KIAA1217: variants seen among roughly 807,000 people sequenced by gnomAD.
The protein encoded by KIAA1217 is sickle tail protein homolog.
A neutral mutation model predicts 163.9 loss-of-function variants in KIAA1217; 88 were observed. The ratio of observed to expected loss-of-function variants is 0.54; its 90% CI spans 0.45 to 0.64. KIAA1217 has a LOEUF of 0.64. Ranked by LOEUF, KIAA1217 falls within the 30% of genes least tolerant of loss-of-function variation. The pLI, the probability that KIAA1217 is intolerant of heterozygous loss-of-function variation, is 0.00. For synonymous variants in KIAA1217, 903 were observed against 923.1 expected, an observed-to-expected ratio of 0.98 and a Z score of 0.39; for missense variants, 2,372 against 2,475.0, an observed-to-expected ratio of 0.96 and a Z score of 0.88.
intron 2 of KIAA1217, among the ~76,000 whole-genome samples, chr10:24,070,423 A>G (rs999650018): frequency 2.0e-5 from 3 of 152,232 alleles, no homozygotes; most frequent in Non-Finnish European, 4.4e-5. Context: ...ATTTAATTTT[A>G]TGTCTATACG....
At chr10:24,533,017 TGCTAGCACCTAGG>T in intron 15 of KIAA1217, 40 bp from the exon 16 acceptor site, 1 of 1,527,254 alleles carries the variant, frequency 6.5e-7, no homozygotes, top group Admixed American at 1.9e-5. Flanking sequence ...GTCCCTTTTT[TGCTAGCACCTAGG>T]AGATGTTAAA....
intron 1 of KIAA1217, among the ~76,000 whole-genome samples, chr10:23,809,652 GA>G (rs1369587405): frequency 6.6e-6 from 1 of 151,842 alleles, no homozygotes; most frequent in African/African-American, 2.4e-5. Context: ...AAATTAGTAA[GA>G]ATTTAACAGT....
chr10:24,100,319 T>C (rs78585613), intron 2 of KIAA1217, among the ~76,000 whole-genome samples: 5 of 152,296 alleles, frequency 3.3e-5, no homozygotes, highest in East Asian at 3.9e-4. Flanking sequence ...CAGCGACCCA[T>C]TGGGTGTATG....
intron 2 of KIAA1217, among the ~76,000 whole-genome samples, chr10:24,010,490 T>A (rs1339321747): frequency 2.6e-5 from 4 of 151,742 alleles, no homozygotes; most frequent in East Asian, 1.9e-4. Flanking sequence ...TTTTTTTTTT[T>A]ACCAATTTCA....
At chr10:24,426,866 C>A (rs1372495618) in intron 3 of KIAA1217, among the ~76,000 whole-genome samples, 5 of 152,018 alleles carry the variant, frequency 3.3e-5, no homozygotes, top group Non-Finnish European at 1.5e-5. Context: ...TGGGACGCTT[C>A]GGGAAAATAA....
chr10:24,195,759 G>A lies in KIAA1217; in HGVS notation c.-170-23867G>A, dbSNP rs185942770. ...TTTAGGTGAAATGTGCTAAGAAAGG[G>A]AACTTAGGAAAGGTTTTGCTTTGGT... On this transcript the variant is annotated intron_variant, in intron 2 of 18. Transcript: ENST00000376462. Among the ~76,000 whole-genome samples the A allele has an allele frequency of 9.2e-5, 14 of 152,324 alleles. No individual in the cohort carries two copies. In the East Asian group the frequency reaches 1.9e-3, roughly 21 times the overall value.
chr10:24,274,269 A>T (rs1391125146), intron 2 of KIAA1217, among the ~76,000 whole-genome samples: 1 of 152,080 alleles, frequency 6.6e-6, no homozygotes, highest in Non-Finnish European at 1.5e-5. Flanking sequence ...ATTTTGGGAG[A>T]CTTGAGGTCA....
At position 23,733,498 on chromosome 10, in the gene KIAA1217, G is replaced by A. The variant is rs994253017; in HGVS notation, c.-321+38264G>A. Among the ~76,000 whole-genome samples the A allele has an allele frequency of 5.3e-5, 8 of 152,072 alleles. No homozygotes were observed. In the East Asian group the frequency reaches 1.5e-3, roughly 29 times the overall value. ...GGCATAGTATTTGCATATAAACTTT[G>A]CATATCCTCCTGTTTATTTTAAATC... On this transcript the variant is annotated intron_variant, in intron 1 of 18. Coordinates refer to the KIAA1217 transcript ENST00000376462.
At chr10:23,939,452 T>C (rs1294762323) in intron 1 of KIAA1217, among the ~76,000 whole-genome samples, 1 of 152,146 alleles carries the variant, frequency 6.6e-6, no homozygotes, top group East Asian at 1.9e-4. Flanking sequence ...TGTATAGCTA[T>C]ATTAAATATC....
At chr10:23,758,197 T>C (rs1299643765) in intron 1 of KIAA1217, among the ~76,000 whole-genome samples, 3 of 152,224 alleles carry the variant, frequency 2.0e-5, no homozygotes. Flanking sequence ...AGCTATTACA[T>C]TTAGGTCTTT....
chr10:24,407,699 A>G (rs557352399), intron 3 of KIAA1217, among the ~76,000 whole-genome samples: 2 of 152,278 alleles, frequency 1.3e-5, no homozygotes, highest in African/African-American at 4.8e-5. Context: ...ATAATATTCT[A>G]AAATGTTCAT....
intron 1 of KIAA1217, among the ~76,000 whole-genome samples, chr10:23,998,082 C>T (rs193242753): frequency 2.5e-4 from 38 of 152,044 alleles, no homozygotes; most frequent in African/African-American, 7.0e-4. Context: ...TTCAATTTTA[C>T]CCTCCGTTTG....
chr10:23,743,782 C>T (rs1469865755), intron 1 of KIAA1217, among the ~76,000 whole-genome samples: 2 of 151,972 alleles, frequency 1.3e-5, no homozygotes, highest in African/African-American at 4.8e-5. Context: ...AAAATATAGC[C>T]AGTAAAATTT....
intron 2 of KIAA1217, among the ~76,000 whole-genome samples, chr10:24,041,310 T>C (rs1340114863): frequency 4.6e-5 from 7 of 152,214 alleles, no homozygotes; most frequent in African/African-American, 1.2e-4. Context: ...AGAGGTTGTA[T>C]GCTTCTGGTA....
At chr10:24,249,711 A>T (rs2074255035) in intron 2 of KIAA1217, among the ~76,000 whole-genome samples, 1 of 152,176 alleles carries the variant, frequency 6.6e-6, no homozygotes. Context: ...AGAAACTTTC[A>T]CACACATTAT....
intron 2 of KIAA1217, among the ~76,000 whole-genome samples, chr10:24,281,581 A>C (rs1384845163): frequency 6.6e-6 from 1 of 152,150 alleles, no homozygotes; most frequent in Non-Finnish European, 1.5e-5. Context: ...ACAGTTTCTC[A>C]GACTCTCCTT....
chr10:23,699,207 T>C (rs7090166), intron 1 of KIAA1217, among the ~76,000 whole-genome samples: 27,271 of 152,210 alleles, frequency 0.18, 4,778 homozygotes, highest in African/African-American at 0.45. Flanking sequence ...TGGCTCCCAG[T>C]TTCAGACACG....
intron 11 of KIAA1217, 30 bp from the exon 12 acceptor site, chr10:24,521,752 T>G: frequency 6.2e-7 from 1 of 1,601,836 alleles, no homozygotes; most frequent in South Asian, 1.1e-5. Flanking sequence ...CTTTTTCTCC[T>G]CCAATTCACC....
In KIAA1217 at chr10:24,494,505, G is replaced by A; in HGVS notation, c.1685G>A (p.Arg562Lys). Reference sequence around the variant, plus strand: ...ACAATTCTCTTGTTTTACAGAGAGAGGATGCAAGCCATGGAGAAACAGATT... The same window carrying A: ...ACAATTCTCTTGTTTTACAGAGAGAAGATGCAAGCCATGGAGAAACAGATT... ...TIPKDRETRE[R>K]MQAMEKQIAS... The change falls in exon 7 of 21, where the codon AGG (arginine) becomes AAG (lysine). Residue 562 changes from arginine (R) to lysine (K), a missense_variant. Around this residue, in one of 3 missense-constraint regions of KIAA1217, gnomAD observed 1,431 missense variants for 1,470.3 expected, o/e 0.97. Transcript: ENST00000376454. 6.2e-7 allele frequency: 1 copy of A among 1,612,366 alleles called. No individual in the cohort carries two copies. The highest frequency in any genetic ancestry group is 8.5e-7 in the Non-Finnish European group (1 of 1,178,836).
Sources: gnomAD v4.1 joint callset for allele counts (sites outside exome capture counted in the v4.1 genomes callset) on GRCh38, gnomAD v4.1.1 for gene constraint, gnomAD v4.1.1 regional missense constraint, MANE v1.5 for transcripts, NCBI Gene and HGNC (gene_info 2026-07-23, HGNC 2026-07-21) for gene names.